PTPRT: variants seen among roughly 807,000 people sequenced by gnomAD.
PTPRT encodes the protein protein tyrosine phosphatase receptor type T.
A neutral mutation model predicts 176.8 loss-of-function variants in PTPRT; 56 were observed. The ratio of observed to expected loss-of-function variants is 0.32; its 90% CI spans 0.26 to 0.40. PTPRT has a LOEUF of 0.40. Among genes scored for constraint, PTPRT ranks in the 10% least tolerant of loss-of-function variants. The probability of loss-of-function intolerance (pLI) is 1.00; values close to 1 mark genes in which losing one functional copy is unlikely to be tolerated. For synonymous variants in PTPRT, 783 were observed against 739.0 expected (o/e 1.06, Z -0.96); for missense variants, 1,540 against 1,908.2 (o/e 0.81, Z 3.60).
At chr20:42,690,258 G>A (rs1016615365) in intron 6 of PTPRT, among the ~76,000 whole-genome samples, 2 of 152,102 alleles carry the variant, frequency 1.3e-5, no homozygotes, top group African/African-American at 2.4e-5. Context: ...TGTAAGCAGT[G>A]GTGTCACGTA....
At chr20:43,100,905 G>C (rs2012370927) in intron 1 of PTPRT, among the ~76,000 whole-genome samples, 2 of 151,570 alleles carry the variant, frequency 1.3e-5, no homozygotes, top group South Asian at 4.1e-4. Flanking sequence ...GCTGTGTGTT[G>C]GGATGGCATT....
rs541075791 is a variant in PTPRT, at chr20:42,829,452, G to A, written c.215-37986C>T. On this transcript the variant is annotated intron_variant, in intron 2 of 30. Transcript: ENST00000373187. The stretch of plus-strand genomic sequence containing the variant: ...CTGTTAGAAGGCCATGATTGGCCAG[G>A]CGCAGTGGCTCACACCAGCAATCCC... 8.5e-5 allele frequency among the ~76,000 whole-genome samples: 13 copies of A among 152,310 alleles called. No individual in the cohort carries two copies. The East Asian group carries it at 1.2e-3, about 14-fold the overall frequency.
intron 12 of PTPRT, among the ~76,000 whole-genome samples, chr20:42,292,923 G>T (rs1479931578): frequency 3.3e-5 from 5 of 152,210 alleles, no homozygotes; most frequent in Admixed American, 3.3e-4. Context: ...TTGAGTGCTA[G>T]CTCACTAGAA....
chr20:42,104,504 A>G (rs545839678), intron 25 of PTPRT, 65 bp downstream of exon 25: 5 of 1,486,860 alleles, frequency 3.4e-6, no homozygotes, highest in Non-Finnish European at 4.6e-6. Flanking sequence ...CACCCAATCT[A>G]TGGAAATTTG....
chr20:42,841,975 C>T (rs2078286960), intron 2 of PTPRT, among the ~76,000 whole-genome samples: 1 of 152,180 alleles, frequency 6.6e-6, no homozygotes, highest in South Asian at 2.1e-4. Flanking sequence ...CATCATCAGT[C>T]CCAAACTGAG....
chr20:42,090,199 A>T (rs1180401682), intron 27 of PTPRT, among the ~76,000 whole-genome samples: 1 of 151,956 alleles, frequency 6.6e-6, no homozygotes, highest in African/African-American at 2.4e-5. Context: ...ATTAGGCAGT[A>T]TGGGGGAGGG....
At chr20:42,783,376 A>AAC (rs202233387) in intron 3 of PTPRT, among the ~76,000 whole-genome samples, 9,377 of 37,794 alleles carry the variant, frequency 0.25, 552 homozygotes, top group Middle Eastern at 0.34. Context: ...GAGAATCAAC[A>AAC]AAAAAAAAAA....
intron 11 of PTPRT, among the ~76,000 whole-genome samples, chr20:42,348,450 T>G (rs978947929): frequency 6.6e-6 from 1 of 151,968 alleles, no homozygotes; most frequent in African/African-American, 2.4e-5. Context: ...ACCTTTCTCC[T>G]AGGAGGTGGT....
At chr20:42,088,083 C>T (rs1368113693) in intron 27 of PTPRT, among the ~76,000 whole-genome samples, 2 of 152,070 alleles carry the variant, frequency 1.3e-5, no homozygotes, top group Non-Finnish European at 2.9e-5. Context: ...CCTAGGTCTA[C>T]AGGTCCCATT....
intron 7 of PTPRT, among the ~76,000 whole-genome samples, chr20:42,523,971 T>C (rs1314127971): frequency 6.6e-6 from 1 of 151,970 alleles, no homozygotes; most frequent in African/African-American, 2.4e-5. Flanking sequence ...CATTCTAACC[T>C]GGGCAAAATA....
intron 2 of PTPRT, among the ~76,000 whole-genome samples, chr20:42,839,506 G>A (rs1352218828): frequency 6.6e-6 from 1 of 152,144 alleles, no homozygotes; most frequent in African/African-American, 2.4e-5. Flanking sequence ...GAAAGCCAGG[G>A]TTTTATTTAA....
chr20:42,302,981 C>T (rs922756395), intron 12 of PTPRT, among the ~76,000 whole-genome samples: 1 of 152,188 alleles, frequency 6.6e-6, no homozygotes, highest in Non-Finnish European at 1.5e-5. Flanking sequence ...TTTATACTTC[C>T]CATTCCTCAA....
chr20:42,549,027 G>A (rs1370289735), intron 7 of PTPRT, among the ~76,000 whole-genome samples: 1 of 152,084 alleles, frequency 6.6e-6, no homozygotes, highest in African/African-American at 2.4e-5. Context: ...ACTAGTGCAG[G>A]CATTTTGCAA....
At chr20:43,091,639 T>G (rs1027156133) in intron 1 of PTPRT, among the ~76,000 whole-genome samples, 1 of 151,964 alleles carries the variant, frequency 6.6e-6, no homozygotes, top group African/African-American at 2.4e-5. Context: ...TACCTATTAT[T>G]TTATAAAATA....
At position 42,682,041 on chromosome 20, in the gene PTPRT, G is replaced by A. The variant is rs190774895; in HGVS notation, c.860-3882C>T. On this transcript the variant is annotated intron_variant, in intron 6 of 30. Transcript: ENST00000373187. The stretch of plus-strand genomic sequence containing the variant: ...GACCTGAGGGGCAGGTACTGACCGG[G>A]ACAGAGCCTGAGGGAAGTTTCTGGG... 2.0e-3 allele frequency among the ~76,000 whole-genome samples: 303 copies of A among 152,338 alleles called. 2 individuals are homozygous for A. The highest frequency in any genetic ancestry group is 6.8e-3 in the Middle Eastern group (2 of 294).
intron 1 of PTPRT, among the ~76,000 whole-genome samples, chr20:42,985,979 G>A (rs971475258): frequency 2.0e-5 from 3 of 152,184 alleles, no homozygotes; most frequent in Non-Finnish European, 2.9e-5. Flanking sequence ...AACCACAGGA[G>A]CCTCAAAAGG....
chr20:42,659,962 A>G (rs1005422661), intron 7 of PTPRT, among the ~76,000 whole-genome samples: 4 of 152,076 alleles, frequency 2.6e-5, no homozygotes, highest in African/African-American at 9.7e-5. Flanking sequence ...AGGAGATGCT[A>G]TTTCACAGCT....
chr20:42,731,914 C>T (rs2076466441), intron 6 of PTPRT, among the ~76,000 whole-genome samples: 1 of 152,214 alleles, frequency 6.6e-6, no homozygotes, highest in Non-Finnish European at 1.5e-5. Flanking sequence ...GACATCTTCT[C>T]ATTCTCCAGG....
intron 5 of PTPRT, among the ~76,000 whole-genome samples, chr20:42,760,170 A>C (rs1202456180): frequency 2.0e-5 from 3 of 152,142 alleles, no homozygotes; most frequent in African/African-American, 7.2e-5. Context: ...TGGGAAAAGG[A>C]AGCTGTGAGG....
Sources: allele counts gnomAD v4.1 joint callset (sites outside exome capture counted in the v4.1 genomes callset), GRCh38; gene constraint gnomAD v4.1.1; transcripts MANE v1.5; gene names NCBI Gene and HGNC (gene_info 2026-07-23, HGNC 2026-07-21).